The following GM2A variants were observed in gnomAD, a reference collection of about 807,000 sequenced individuals.
GM2A encodes ganglioside GM2 activator, also known as GM2 ganglioside activator.
A neutral mutation model predicts 12.9 loss-of-function variants in GM2A; 7 were observed. The observed-to-expected ratio is 0.54, with a 90% confidence interval of 0.31 to 1.02. GM2A has a LOEUF of 1.02. Ranked by LOEUF, GM2A falls within the 50% of genes least tolerant of loss-of-function variation. The probability of loss-of-function intolerance (pLI) is 0.05; values close to 1 mark genes in which losing one functional copy is unlikely to be tolerated. For missense variants in GM2A, 246 were observed against 241.0 expected, an observed-to-expected ratio of 1.02 and a Z score of -0.14; for synonymous variants, 101 against 96.0, an observed-to-expected ratio of 1.05 and a Z score of -0.30.
chr5:151,267,883 CCT>C lies in GM2A; in HGVS notation c.*433_*434del, dbSNP rs1256909985. ...TAACGTTTTTGTTCTCCTCCGGCCC[CCT>C]GTTACAATGAAGGGGCAAAAGTATT... On this transcript the variant is annotated 3_prime_UTR_variant, in exon 4 of 4. Coordinates refer to ENST00000357164, the MANE Select transcript of GM2A (RefSeq NM_000405.5). The C allele has an allele frequency of 8.7e-6, 10 of 1,144,986 alleles. No homozygotes were observed. The highest frequency in any genetic ancestry group is 3.2e-5 in the African/African-American group (2 of 61,822). 70.9% of individuals were successfully genotyped at this position (1,144,986 alleles called of 1,614,324 possible). A position where few individuals can be genotyped will look rare whatever the true frequency, so the allele number is the denominator to read the frequency against.
In GM2A at chr5:151,268,152, G is replaced by A. The variant is rs973467195; in HGVS notation, c.*701G>A. On this transcript the variant is annotated 3_prime_UTR_variant, in exon 4 of 4. Coordinates refer to ENST00000357164, the MANE Select transcript of GM2A (RefSeq NM_000405.5). ...ACATGTTGCTTCCAGGCTTGATTTC[G>A]ATTTTTCGCTTTTTTTTTTTTTGAG... The A allele has an allele frequency of 5.3e-6, 5 of 943,292 alleles. No individual in the cohort carries two copies. Among genetic ancestry groups the A allele is most frequent in the African/African-American group, 4.7e-5 (2 of 42,584 alleles). 58.4% of individuals were successfully genotyped at this position (943,292 alleles called of 1,614,324 possible).
rs780949321 is a variant in GM2A, at chr5:151,266,808, C to G, written c.321C>G (p.Thr107=). ...IPCTDYIGSC[T]FEHFCDVLDM... The stretch of plus-strand genomic sequence containing the variant: ...GCACAGACTACATTGGCAGCTGTAC[C>G]TTTGAACACTTCTGTGATGTGCTTG... The change falls in exon 3 of 4, where the codon ACC becomes ACG. Residue 107 remains threonine (T), a synonymous_variant. Coordinates refer to ENST00000357164, the MANE Select transcript of GM2A (RefSeq NM_000405.5). 4.3e-6 allele frequency: 7 copies of G among 1,613,544 alleles called. No homozygotes were observed. The African/African-American group carries it at 9.3e-5, about 22-fold the overall frequency.
rs769261253 is a variant in GM2A at position 151,259,879 on chromosome 5, T to C, written c.206T>C (p.Met69Thr). Residue 69 changes from methionine to threonine, a missense_variant, in exon 2 of 4, where the codon ATG becomes ACG. Coordinates refer to ENST00000357164, the MANE Select transcript of GM2A (RefSeq NM_000405.5). ...IVPGNVTLSV[M>T]GSTSVPLSSP... The stretch of plus-strand genomic sequence containing the variant: ...CCTGGAAATGTGACCCTCAGTGTCA[T>C]GGGCAGCACCAGTGTCCCCCTGAGT... 2.5e-6 allele frequency: 4 copies of C among 1,613,542 alleles called. No homozygotes were observed. In the African/African-American group the frequency reaches 4.0e-5, roughly 16 times the overall value.
rs184283653 is a variant in GM2A, at chr5:151,261,965, T to G, written c.243+2049T>G. Among the ~76,000 whole-genome samples, 9 of 152,370 alleles carry G rather than the reference T, an allele frequency of 5.9e-5. No homozygotes were observed. The East Asian group carries it at 1.5e-3, about 26-fold the overall frequency. ...TATAGTACATCTTTTTATAATTTTCTGATTCTCTAGATACACACTTTTTAG... is the reference window on the plus strand; with the variant it reads ...TATAGTACATCTTTTTATAATTTTCGGATTCTCTAGATACACACTTTTTAG... On this transcript the variant is annotated intron_variant, in intron 2 of 3. Coordinates refer to ENST00000357164, the MANE Select transcript of GM2A (RefSeq NM_000405.5).
chr5:151,259,203 T>A (rs1039857902), intron 1 of GM2A, among the ~76,000 whole-genome samples: 67 of 152,306 alleles, frequency 4.4e-4, no homozygotes, highest in African/African-American at 1.5e-3. Flanking sequence ...TTCATGAGTG[T>A]CCTATTCCTT....
chr5:151,268,651 C>G lies in GM2A; in HGVS notation c.*1200C>G. The stretch of plus-strand genomic sequence containing the variant: ...ACAACTGCCAGATACTGGCAATACT[C>G]CAGCCTGGTGACAGAGTGAGACTCT... On this transcript the variant is annotated 3_prime_UTR_variant, in exon 4 of 4. Transcript: ENST00000357164. 1.4e-6 allele frequency: 1 copy of G among 703,372 alleles called. No homozygotes were observed. The allele number at this position is 703,372 out of a possible 1,614,324, so 43.6% of individuals were successfully genotyped here.
chr5:151,254,538 C>T (rs1244089068), intron 1 of GM2A, among the ~76,000 whole-genome samples: 1 of 152,162 alleles, frequency 6.6e-6, no homozygotes, highest in Non-Finnish European at 1.5e-5. Flanking sequence ...AGATTTATTG[C>T]ACACCAGGGT....
At chr5:151,253,910 C>G (rs1753637327) in intron 1 of GM2A, among the ~76,000 whole-genome samples, 1 of 152,204 alleles carries the variant, frequency 6.6e-6, no homozygotes, top group Admixed American at 6.5e-5. Flanking sequence ...TGCTGCAGAT[C>G]CCTGGGAAAG....
At chr5:151,263,089 C>CTTTTT (rs869289721) in intron 2 of GM2A, among the ~76,000 whole-genome samples, 29 of 119,518 alleles carry the variant, frequency 2.4e-4, no homozygotes, top group Middle Eastern at 4.5e-3. Flanking sequence ...TCCCCAATTT[C>CTTTTT]TTTTTTTTTT....
intron 2 of GM2A, among the ~76,000 whole-genome samples, chr5:151,260,959 T>C (rs1025622046): frequency 6.6e-6 from 1 of 151,590 alleles, no homozygotes; most frequent in African/African-American, 2.4e-5. Context: ...TATGTCCATA[T>C]CTTTCCAAGG....
At chr5:151,261,192 T>C (rs1753792482) in intron 2 of GM2A, among the ~76,000 whole-genome samples, 1 of 152,112 alleles carries the variant, frequency 6.6e-6, no homozygotes, top group Non-Finnish European at 1.5e-5. Context: ...GCTTACCTAA[T>C]TTTTTTATTT....
chr5:151,269,911 G>GT lies in GM2A; in HGVS notation c.*2462dup, dbSNP rs1753975170. ...GTGAATTCTTTTTACCAACCCACGA[G>GT]TTGACCACTTCCCAATGCCGGGGAT... is the stretch of plus-strand genomic sequence containing the variant. On this transcript the variant is annotated 3_prime_UTR_variant, in exon 4 of 4. Transcript: ENST00000357164. 9.3e-7 allele frequency: 1 copy of GT among 1,078,232 alleles called. No individual in the cohort carries two copies. The allele number at this position is 1,078,232 out of a possible 1,614,324, so 66.8% of individuals were successfully genotyped here. A position where few individuals can be genotyped will look rare whatever the true frequency, so the allele number is the denominator to read the frequency against.
chr5:151,258,391 AG>A (rs1166504965), intron 1 of GM2A, among the ~76,000 whole-genome samples: 2 of 152,350 alleles, frequency 1.3e-5, no homozygotes. Flanking sequence ...TAGACTCCAA[AG>A]GGGAAACTGG....
At chr5:151,259,288 C>G (rs1237116401) in intron 1 of GM2A, among the ~76,000 whole-genome samples, 1 of 152,140 alleles carries the variant, frequency 6.6e-6, no homozygotes, top group Non-Finnish European at 1.5e-5. Context: ...TTGTGTTTCC[C>G]ATTGTTCCTG....
rs116181695 is a variant in GM2A at position 151,260,130 on chromosome 5, C to T, written c.243+214C>T. 4.1e-3 allele frequency among the ~76,000 whole-genome samples: 624 copies of T among 152,298 alleles called. 3 individuals carry two copies. The highest frequency in any genetic ancestry group is 8.6e-3 in the Admixed American group (132 of 15,290). On this transcript the variant is annotated intron_variant, in intron 2 of 3. Transcript: ENST00000357164. ...TCTCTGATGTCAGCGCCAGCAACTT[C>T]CTGGTGAGGGCAGGAGTGACGGATA...
At chr5:151,253,955 C>T (rs958253884) in intron 1 of GM2A, among the ~76,000 whole-genome samples, 1 of 152,206 alleles carries the variant, frequency 6.6e-6, no homozygotes, top group African/African-American at 2.4e-5. Context: ...GAAAAAGCCT[C>T]GTTCCTGGCT....
Position 151,267,643 on chromosome 5 carries a change from G to A in GM2A, c.*192G>A, listed in dbSNP as rs147601669. On this transcript the variant is annotated 3_prime_UTR_variant, in exon 4 of 4. Transcript: ENST00000357164. ...TGGGGCAAGCAGCCCTGACCTAAGG[G>A]AGAATGAGTTGGACAGTTCTTGATA... The A allele has an allele frequency of 6.1e-5, 92 of 1,511,634 alleles. No individual in the cohort carries two copies. In the African/African-American group the frequency reaches 1.0e-3, roughly 17 times the overall value. 93.6% of individuals were successfully genotyped at this position (1,511,634 alleles called of 1,614,324 possible).
At chr5:151,261,640 T>C (rs939426263) in intron 2 of GM2A, among the ~76,000 whole-genome samples, 1 of 152,182 alleles carries the variant, frequency 6.6e-6, no homozygotes, top group African/African-American at 2.4e-5. Flanking sequence ...GGTTTCACCA[T>C]GTTGGCCAGG....
intron 2 of GM2A, among the ~76,000 whole-genome samples, chr5:151,263,760 G>A (rs557534233): frequency 1.3e-5 from 2 of 152,230 alleles, no homozygotes; most frequent in East Asian, 3.9e-4. Context: ...CACTCTTGGG[G>A]TCCATGGGGC....
Sources: gnomAD v4.1 joint callset for allele counts (sites outside exome capture counted in the v4.1 genomes callset) on GRCh38, gnomAD v4.1.1 for gene constraint, MANE v1.5 for transcripts, NCBI Gene and HGNC (gene_info 2026-07-23, HGNC 2026-07-21) for gene names.